Variants in FTO observed in about 807,000 individuals in gnomAD.
FTO encodes the protein alpha-ketoglutarate-dependent dioxygenase FTO.
FTO carries 47 observed loss-of-function variants against 63.9 expected under a neutral mutation model. The ratio of observed to expected loss-of-function variants is 0.74; its 90% CI spans 0.58 to 0.94. The LOEUF is 0.94. FTO is among the 40% of genes least tolerant of loss of function. The probability of loss-of-function intolerance (pLI) is 0.00; values close to 1 mark genes in which losing one functional copy is unlikely to be tolerated. For missense variants in FTO, 562 were observed against 618.1 expected, an observed-to-expected ratio of 0.91 and a Z score of 0.96; for synonymous variants, 207 against 224.4, an observed-to-expected ratio of 0.92 and a Z score of 0.69.
intron 8 of FTO, chr16:54,071,951 A>G (rs2085883372): frequency 6.6e-6 from 1 of 152,172 alleles, no homozygotes; most frequent in Non-Finnish European, 1.5e-5. Flanking sequence ...GTTAGGGGCA[A>G]AGGAAGGCCG....
At chr16:54,027,626 T>C (rs536000522) in intron 8 of FTO, among the ~76,000 whole-genome samples, 14 of 152,306 alleles carry the variant, frequency 9.2e-5, no homozygotes, top group African/African-American at 3.4e-4. Flanking sequence ...GGTATTTCTA[T>C]GCACAGATGT....
chr16:53,778,001 C>G (rs1487270595), intron 1 of FTO, among the ~76,000 whole-genome samples: 2 of 152,022 alleles, frequency 1.3e-5, no homozygotes, highest in African/African-American at 4.8e-5. Context: ...ATCAGAAGTA[C>G]TTTATGTATG....
At chr16:53,971,509 G>A (rs533405595) in intron 8 of FTO, among the ~76,000 whole-genome samples, 6 of 152,280 alleles carry the variant, frequency 3.9e-5, no homozygotes, top group South Asian at 2.1e-4. Context: ...AGGTTTTCCC[G>A]TTAATCTGTC....
At chr16:53,881,455 C>T (rs2080833667) in intron 6 of FTO, among the ~76,000 whole-genome samples, 1 of 152,176 alleles carries the variant, frequency 6.6e-6, no homozygotes, top group African/African-American at 2.4e-5. Context: ...AACATCCTTG[C>T]AATGAGAGTC....
intron 1 of FTO, among the ~76,000 whole-genome samples, chr16:53,732,394 G>C (rs1383979449): frequency 6.6e-6 from 1 of 152,174 alleles, no homozygotes; most frequent in Non-Finnish European, 1.5e-5. Context: ...ACCCGAATGA[G>C]AGAGGAGTAA....
At chr16:53,760,055 T>C (rs1351970127) in intron 1 of FTO, among the ~76,000 whole-genome samples, 1 of 152,150 alleles carries the variant, frequency 6.6e-6, no homozygotes, top group Non-Finnish European at 1.5e-5. Context: ...TCTTCCTGTT[T>C]TCAGCTTCAT....
chr16:54,058,011 C>T (rs2085478175), intron 8 of FTO, among the ~76,000 whole-genome samples: 1 of 152,172 alleles, frequency 6.6e-6, no homozygotes, highest in African/African-American at 2.4e-5. Flanking sequence ...ACGGCCTCTT[C>T]CTGTGGGTGA....
intron 1 of FTO, among the ~76,000 whole-genome samples, chr16:53,796,293 A>C (rs1053152050): frequency 4.6e-5 from 7 of 152,008 alleles, no homozygotes; most frequent in African/African-American, 1.7e-4. Context: ...ATCGGCCCGC[A>C]TTGGCCTCCC....
chr16:54,038,671 A>G (rs1438319631), intron 8 of FTO, among the ~76,000 whole-genome samples: 1 of 152,158 alleles, frequency 6.6e-6, no homozygotes, highest in Admixed American at 6.5e-5. Context: ...CTATTAGTTC[A>G]TGAGAGAGCT....
At chr16:54,057,128 G>A (rs759040337) in intron 8 of FTO, among the ~76,000 whole-genome samples, 3 of 152,210 alleles carry the variant, frequency 2.0e-5, no homozygotes, top group Non-Finnish European at 4.4e-5. Flanking sequence ...GGAAGGAGCC[G>A]TAAAATTGAC....
At chr16:54,002,742 A>G (rs1395298002) in intron 8 of FTO, among the ~76,000 whole-genome samples, 1 of 152,260 alleles carries the variant, frequency 6.6e-6, no homozygotes, top group Non-Finnish European at 1.5e-5. Context: ...ACTTGTGTCT[A>G]CAAAAGACAG....
intron 8 of FTO, among the ~76,000 whole-genome samples, chr16:53,996,393 T>C (rs2143951309): frequency 6.6e-6 from 1 of 152,332 alleles, no homozygotes; most frequent in Middle Eastern, 3.4e-3. Flanking sequence ...TCTATTCTTC[T>C]GTTAGGTGTA....
At chr16:53,820,162 C>T (rs756259256) in intron 2 of FTO, among the ~76,000 whole-genome samples, 84 of 152,034 alleles carry the variant, frequency 5.5e-4, no homozygotes, top group Middle Eastern at 3.4e-3. Context: ...ATGCCCGCCA[C>T]CACGCCCAGC....
At chr16:54,027,961 A>G (rs17234097) in intron 8 of FTO, among the ~76,000 whole-genome samples, 7,035 of 152,014 alleles carry the variant, frequency 0.046, 200 homozygotes, top group South Asian at 0.15. Context: ...GCAATACTTG[A>G]TAGTTTATTT....
At chr16:53,921,393 A>G (rs2082003772) in intron 7 of FTO, among the ~76,000 whole-genome samples, 1 of 152,206 alleles carries the variant, frequency 6.6e-6, no homozygotes, top group Non-Finnish European at 1.5e-5. Flanking sequence ...AAGGATCGGA[A>G]AGTGCTAAGC....
At chr16:53,727,830 G>A (rs2076185695) in intron 1 of FTO, among the ~76,000 whole-genome samples, 1 of 152,190 alleles carries the variant, frequency 6.6e-6, no homozygotes, top group Non-Finnish European at 1.5e-5. Flanking sequence ...GAGGATGGAA[G>A]GAGGTACTGT....
At chr16:53,784,546 A>G (rs746153290) in intron 1 of FTO, among the ~76,000 whole-genome samples, 2 of 152,136 alleles carry the variant, frequency 1.3e-5, no homozygotes, top group African/African-American at 2.4e-5. Context: ...TGAGCTGTCA[A>G]GGTGTTGGCA....
rs1373025858 is a variant in FTO at position 54,113,132 on chromosome 16, T to C, written c.*1217T>C. Reference sequence around the variant, plus strand: ...TAGTTAAATATCCAGGAAATTCTGGTACTGTTATGTGTGGGTGAGCTGACC... The same window carrying C: ...TAGTTAAATATCCAGGAAATTCTGGCACTGTTATGTGTGGGTGAGCTGACC... On this transcript the variant is annotated 3_prime_UTR_variant, in exon 9 of 9. Transcript: ENST00000471389. The C allele has an allele frequency of 6.6e-6, 1 of 152,236 alleles. No homozygotes were observed. Among genetic ancestry groups the C allele is most frequent in the Non-Finnish European group, 1.5e-5 (1 of 68,062 alleles). The allele number at this position is 152,236 out of a possible 1,614,324, so 9.4% of individuals were successfully genotyped here.
intron 8 of FTO, among the ~76,000 whole-genome samples, chr16:53,967,336 G>A (rs7202920): frequency 0.028 from 4,302 of 152,072 alleles, 199 homozygotes; most frequent in African/African-American, 0.097. Flanking sequence ...TTTTGGCAAC[G>A]CTGGGTAGTC....
Sources: gnomAD v4.1 joint callset for allele counts (sites outside exome capture counted in the v4.1 genomes callset) on GRCh38, gnomAD v4.1.1 for gene constraint, MANE v1.5 for transcripts, NCBI Gene and HGNC (gene_info 2026-07-23, HGNC 2026-07-21) for gene names.